The following PALMD variants were observed in gnomAD, a reference collection of about 807,000 sequenced individuals.
PALMD encodes paralemmin-like protein.
Under a neutral mutation model 56.2 loss-of-function variants are expected in PALMD, and 42 were observed. That is an observed-to-expected ratio of 0.75 (90% CI 0.58 to 0.97). The LOEUF is 0.97. Among genes scored for constraint, PALMD ranks in the 50% least tolerant of loss-of-function variants. The probability of loss-of-function intolerance (pLI) is 0.00; values close to 1 mark genes in which losing one functional copy is unlikely to be tolerated. For synonymous variants in PALMD, 242 were observed against 222.9 expected, an observed-to-expected ratio of 1.09 and a Z score of -0.76; for missense variants, 660 against 643.8, an observed-to-expected ratio of 1.03 and a Z score of -0.27.
chr1:99,663,223 A>G (rs934925309), intron 2 of PALMD, among the ~76,000 whole-genome samples: 11 of 152,128 alleles, frequency 7.2e-5, no homozygotes, highest in Admixed American at 6.6e-4. Context: ...CCTGCCTCTG[A>G]AAAAAAACAT....
At chr1:99,675,168 AT>A (rs911084363) in intron 3 of PALMD, among the ~76,000 whole-genome samples, 3 of 152,230 alleles carry the variant, frequency 2.0e-5, no homozygotes, top group Non-Finnish European at 4.4e-5. Flanking sequence ...AACAGTTAAC[AT>A]CAAGAAACAA....
intron 1 of PALMD, among the ~76,000 whole-genome samples, chr1:99,647,795 A>G (rs1652475992): frequency 6.6e-6 from 1 of 152,204 alleles, no homozygotes; most frequent in Non-Finnish European, 1.5e-5. Context: ...AGCTAATTGA[A>G]ATAGACAAGT....
intron 1 of PALMD, among the ~76,000 whole-genome samples, chr1:99,652,996 A>G (rs1304731211): frequency 1.3e-5 from 2 of 152,180 alleles, no homozygotes; most frequent in African/African-American, 2.4e-5. Flanking sequence ...GTCATTTTTC[A>G]GAGCACCTAA....
chr1:99,659,237 T>G (rs1652793685), intron 1 of PALMD, among the ~76,000 whole-genome samples: 1 of 152,246 alleles, frequency 6.6e-6, no homozygotes, highest in Admixed American at 6.5e-5. Context: ...TATTAATAGA[T>G]GGTCACAATA....
intron 1 of PALMD, among the ~76,000 whole-genome samples, chr1:99,660,521 C>T (rs1480929525): frequency 6.6e-6 from 1 of 152,196 alleles, no homozygotes; most frequent in Non-Finnish European, 1.5e-5. Context: ...GCTCAAATAA[C>T]AACCTCTAGA....
rs553244092 is a variant in PALMD, at chr1:99,672,857, A to AT, written c.251+5101dup. On this transcript the variant is annotated intron_variant, in intron 3 of 7. Coordinates refer to ENST00000263174, the MANE Select transcript of PALMD (RefSeq NM_017734.5). ...TATGATTAAATGTTCTCTAGCACGG[A>AT]TTTTTTTTTTAATACTCCAAAGTGC... Among the ~76,000 whole-genome samples the AT allele has an allele frequency of 4.3e-3, 644 of 150,544 alleles. 2 individuals carry two copies. The highest frequency in any genetic ancestry group is 6.5e-3 in the Admixed American group (98 of 15,080).
Position 99,689,470 on chromosome 1 carries a change from C to A in PALMD, c.1210C>A (p.Pro404Thr). ...CAGATATAATATCGTTCATTCCCTG[C>A]CTCCAGACATAAATGATACAGAACC... ...DVRYNIVHSLPPDINDTEPVT... is the reference protein window; with the variant it reads ...DVRYNIVHSLTPDINDTEPVT... The change falls in exon 7 of 8, where the codon CCT (proline) becomes ACT (threonine). Residue 404 changes from proline (P) to threonine (T), a missense_variant. Coordinates refer to ENST00000263174, the MANE Select transcript of PALMD (RefSeq NM_017734.5). The A allele has an allele frequency of 1.2e-6, 2 of 1,613,616 alleles. No individual in the cohort carries two copies. The highest frequency in any genetic ancestry group is 1.7e-6 in the Non-Finnish European group (2 of 1,179,754).
At chr1:99,669,551 C>T (rs1000840665) in intron 3 of PALMD, 1 of 152,322 alleles carries the variant, frequency 6.6e-6, no homozygotes, top group Non-Finnish European at 1.5e-5. Context: ...CAGACACCTA[C>T]TTGCTTCCCC....
intron 1 of PALMD, among the ~76,000 whole-genome samples, chr1:99,653,238 G>A (rs1652634861): frequency 6.6e-6 from 1 of 152,120 alleles, no homozygotes; most frequent in South Asian, 2.1e-4. Context: ...GCTGAGAAAG[G>A]GTGAAAGCTA....
intron 3 of PALMD, chr1:99,685,803 T>C (rs1469567274): frequency 6.6e-6 from 1 of 152,156 alleles, no homozygotes; most frequent in Admixed American, 6.6e-5. Context: ...TGAGAAACCA[T>C]GTGTGTTACG....
intron 1 of PALMD, among the ~76,000 whole-genome samples, chr1:99,656,553 AT>A (rs1471341532): frequency 9.2e-5 from 14 of 152,194 alleles, no homozygotes; most frequent in African/African-American, 3.4e-4. Flanking sequence ...ACATTCAACT[AT>A]TTTAATTCTT....
At position 99,646,216 on chromosome 1, in the gene PALMD, C is replaced by T. The variant is rs1193293860; in HGVS notation, c.-102C>T. On this transcript the variant is annotated 5_prime_UTR_variant, in exon 1 of 8. Transcript: ENST00000263174. ...CACTGGTGCAAAGAGCGGATTTCTC[C>T]CTGCTTCTCTTCTGTCACCCCCGCT... is the stretch of plus-strand genomic sequence containing the variant. The T allele has an allele frequency of 3.7e-5, 33 of 899,826 alleles. No individual in the cohort carries two copies. The highest frequency in any genetic ancestry group is 3.5e-4 in the Admixed American group (19 of 54,386). 55.7% of individuals were successfully genotyped at this position (899,826 alleles called of 1,614,324 possible).
intron 3 of PALMD, among the ~76,000 whole-genome samples, chr1:99,670,397 T>C (rs554370665): frequency 4.4e-4 from 67 of 152,114 alleles, no homozygotes; most frequent in Non-Finnish European, 7.4e-4. Flanking sequence ...ACAACAATCC[T>C]AGAAAGAAAG....
Position 99,689,397 on chromosome 1 carries a change from T to C in PALMD, c.1137T>C (p.Ser379=). 6.2e-7 allele frequency: 1 copy of C among 1,613,824 alleles called. No individual in the cohort carries two copies. Among genetic ancestry groups the C allele is most frequent in the Non-Finnish European group, 8.5e-7 (1 of 1,179,888 alleles). The change falls in exon 7 of 8, where the codon TCT becomes TCC. Residue 379 remains serine, a synonymous_variant. Coordinates refer to ENST00000263174, the MANE Select transcript of PALMD (RefSeq NM_017734.5). ...LSPRETIFGK[S]EHQNSSPTCQ... Reference sequence around the variant, plus strand: ...CCAGAGAGACAATATTTGGGAAATCTGAACACCAGAATTCTTCACCCACTT... The same window carrying C: ...CCAGAGAGACAATATTTGGGAAATCCGAACACCAGAATTCTTCACCCACTT...
chr1:99,680,426 T>A (rs901755563), intron 3 of PALMD, among the ~76,000 whole-genome samples: 2 of 152,158 alleles, frequency 1.3e-5, no homozygotes, highest in African/African-American at 4.8e-5. Context: ...ACTCTGCTTA[T>A]CTAAATTGGC....
chr1:99,661,245 A>G (rs1431334131), intron 1 of PALMD, among the ~76,000 whole-genome samples: 4 of 152,238 alleles, frequency 2.6e-5, no homozygotes, highest in African/African-American at 9.6e-5. Context: ...AAGATGGAGA[A>G]GAATGTCACC....
chr1:99,663,310 G>A (rs1001923511), intron 2 of PALMD, among the ~76,000 whole-genome samples: 1 of 152,056 alleles, frequency 6.6e-6, no homozygotes, highest in Non-Finnish European at 1.5e-5. Context: ...CATTTCCGAT[G>A]TTTGATGGAT....
At position 99,646,128 on chromosome 1, in the gene PALMD, C is replaced by G. The variant is rs1301730985; in HGVS notation, c.-190C>G. 4 of 593,480 alleles carry G rather than the reference C, an allele frequency of 6.7e-6. No homozygotes were observed. The highest frequency in any genetic ancestry group is 1.2e-5 in the Non-Finnish European group (4 of 332,396). 36.8% of individuals were successfully genotyped at this position (593,480 alleles called of 1,614,324 possible). A position where few individuals can be genotyped will look rare whatever the true frequency, so the allele number is the denominator to read the frequency against. ...GCACACCCTCATTACATGTGTCTGT[C>G]TGGCCTGATCTGTGCATCTGCTCGG... On this transcript the variant is annotated 5_prime_UTR_variant, in exon 1 of 8. Transcript: ENST00000263174.
chr1:99,679,115 G>A (rs1267690687), intron 3 of PALMD, among the ~76,000 whole-genome samples: 1 of 152,048 alleles, frequency 6.6e-6, no homozygotes, highest in African/African-American at 2.4e-5. Context: ...ATAGCCATTG[G>A]ACCCTCTCTT....
Sources: allele counts gnomAD v4.1 joint callset (sites outside exome capture counted in the v4.1 genomes callset), GRCh38; gene constraint gnomAD v4.1.1; transcripts MANE v1.5; gene names NCBI Gene and HGNC (gene_info 2026-07-23, HGNC 2026-07-21).